The following SLC8A1 variants were observed in gnomAD, a reference collection of about 807,000 sequenced individuals.
SLC8A1 encodes sodium/calcium exchanger 1.
A neutral mutation model predicts 68.3 loss-of-function variants in SLC8A1; 18 were observed. That is an observed-to-expected ratio of 0.26 (90% CI 0.18 to 0.39). The LOEUF (loss-of-function observed/expected upper bound fraction) is 0.39. Among genes scored for constraint, SLC8A1 ranks in the 10% least tolerant of loss-of-function variants. SLC8A1 has a pLI of 1.00. For synonymous variants in SLC8A1, 475 were observed against 415.5 expected (o/e 1.14, Z -1.74); for missense variants, 985 against 1,156.7 (o/e 0.85, Z 2.15).
At chr2:40,342,816 A>G (rs1043002347) in intron 2 of SLC8A1, among the ~76,000 whole-genome samples, 1 of 152,210 alleles carries the variant, frequency 6.6e-6, no homozygotes, top group East Asian at 1.9e-4. Context: ...TACTAAACAG[A>G]TCACTCACTG....
intron 2 of SLC8A1, among the ~76,000 whole-genome samples, chr2:40,289,730 G>T (rs978153870): frequency 6.6e-6 from 1 of 151,828 alleles, no homozygotes; most frequent in Admixed American, 6.6e-5. Flanking sequence ...GCTTGGTGGT[G>T]CATGCCTGTA....
rs13394220 is a variant in SLC8A1, at chr2:40,353,575, C to T, written c.1808+74898G>A. ...AGTGGAAAAAAAAAATGATCTGAGACTGTGAACTGTGAGAACTGTCGACTG... is the reference window on the plus strand; with the variant it reads ...AGTGGAAAAAAAAAATGATCTGAGATTGTGAACTGTGAGAACTGTCGACTG... On this transcript the variant is annotated intron_variant, in intron 2 of 7. Transcript: ENST00000406785. Among the ~76,000 whole-genome samples the T allele has an allele frequency of 4.8e-3, 733 of 152,230 alleles. 6 individuals carry two copies. The highest frequency in any genetic ancestry group is 0.017 in the African/African-American group (690 of 41,548).
intron 4 of SLC8A1, among the ~76,000 whole-genome samples, chr2:40,169,770 G>A (rs972578492): frequency 7.2e-5 from 11 of 152,002 alleles, no homozygotes; most frequent in African/African-American, 2.2e-4. Flanking sequence ...GTGAGACCCC[G>A]TCTCTACAAA....
intron 2 of SLC8A1, among the ~76,000 whole-genome samples, chr2:40,279,358 C>T (rs1348142825): frequency 1.3e-5 from 2 of 152,062 alleles, no homozygotes; most frequent in African/African-American, 4.8e-5. Context: ...TTGAAAGAAG[C>T]GATTTGTTCA....
At chr2:40,408,331 T>C (rs1691029370) in intron 2 of SLC8A1, among the ~76,000 whole-genome samples, 1 of 152,212 alleles carries the variant, frequency 6.6e-6, no homozygotes, top group African/African-American at 2.4e-5. Context: ...GCTTAACTTA[T>C]CAACAGTTTG....
At chr2:40,172,433 T>A (rs1353337342) in intron 4 of SLC8A1, among the ~76,000 whole-genome samples, 1 of 152,086 alleles carries the variant, frequency 6.6e-6, no homozygotes, top group African/African-American at 2.4e-5. Flanking sequence ...TAGGAAGAAC[T>A]TAATGAACTA....
At chr2:40,201,451 G>T (rs2054346523) in intron 2 of SLC8A1, among the ~76,000 whole-genome samples, 1 of 151,912 alleles carries the variant, frequency 6.6e-6, no homozygotes, top group Non-Finnish European at 1.5e-5. Flanking sequence ...GTTTTGAGGA[G>T]AAATGAGAAT....
intron 2 of SLC8A1, chr2:40,210,077 A>C (rs1172910724): frequency 1.3e-5 from 2 of 152,156 alleles, no homozygotes; most frequent in Non-Finnish European, 1.5e-5. Flanking sequence ...TGCTTTAGTA[A>C]ACTGAGGCCT....
At chr2:40,115,200 AT>A in exon 8 of SLC8A1, 11 of 1,216,526 alleles carry the variant, frequency 9.0e-6, no homozygotes, top group Non-Finnish European at 1.2e-5. Context: ...ATTATACATA[AT>A]TTTTATGTAT....
intron 6 of SLC8A1, among the ~76,000 whole-genome samples, chr2:40,146,343 TG>T (rs1186470469): frequency 6.6e-6 from 1 of 152,160 alleles, no homozygotes; most frequent in Non-Finnish European, 1.5e-5. Context: ...TTTCAGCTAT[TG>T]GGGAACTCAT....
chr2:40,457,459 T>TGGCACTGGGCTTACCACTGG (rs1703088891), intron 1 of SLC8A1, among the ~76,000 whole-genome samples: 1 of 152,240 alleles, frequency 6.6e-6, no homozygotes, highest in Non-Finnish European at 1.5e-5. Flanking sequence ...ACTGTTTTAG[T>TGGCACTGGGCTTACCACTGG]GCTTACCACA....
intron 2 of SLC8A1, among the ~76,000 whole-genome samples, chr2:40,197,531 AC>A (rs1197357986): frequency 6.6e-6 from 1 of 152,054 alleles, no homozygotes; most frequent in African/African-American, 2.4e-5. Context: ...GCAGACAGTT[AC>A]GATAAAATTA....
At chr2:40,100,837 A>C (rs2033850906) in exon 8 of SLC8A1, 1 of 152,124 alleles carries the variant, frequency 6.6e-6, no homozygotes, top group Non-Finnish European at 1.5e-5. Flanking sequence ...AGTTATTCTA[A>C]TTCCTGAAAA....
chr2:40,253,623 C>T (rs988213442), intron 2 of SLC8A1, among the ~76,000 whole-genome samples: 5 of 151,792 alleles, frequency 3.3e-5, no homozygotes, highest in South Asian at 2.1e-4. Context: ...GTCAGGAGTT[C>T]GAGGCCAGCC....
intron 2 of SLC8A1, among the ~76,000 whole-genome samples, chr2:40,266,232 A>G (rs2065338796): frequency 6.6e-6 from 1 of 152,198 alleles, no homozygotes. Context: ...TTAAAACTAC[A>G]GAAGTACCAT....
At chr2:40,395,571 C>T (rs148576053) in intron 2 of SLC8A1, among the ~76,000 whole-genome samples, 2,384 of 152,156 alleles carry the variant, frequency 0.016, 36 homozygotes, top group Middle Eastern at 0.027. Flanking sequence ...GCATTTAAGT[C>T]AGAGCAAGAC....
intron 2 of SLC8A1, among the ~76,000 whole-genome samples, chr2:40,203,461 T>C (rs1287000621): frequency 1.3e-5 from 2 of 152,126 alleles, no homozygotes; most frequent in East Asian, 3.9e-4. Context: ...CAGAAATGTT[T>C]TACATCCATA....
intron 1 of SLC8A1, among the ~76,000 whole-genome samples, chr2:40,437,650 C>T (rs1428162211): frequency 6.6e-6 from 1 of 151,928 alleles, no homozygotes; most frequent in Non-Finnish European, 1.5e-5. Context: ...ACACTTTGCT[C>T]TAATAACAAT....
At chr2:40,102,536 T>G (rs2033957416) in exon 8 of SLC8A1, 1 of 152,152 alleles carries the variant, frequency 6.6e-6, no homozygotes, top group South Asian at 2.1e-4. Flanking sequence ...TTTGTTCAAC[T>G]GCTAGGTGGA....
Sources: allele counts gnomAD v4.1 joint callset (sites outside exome capture counted in the v4.1 genomes callset), GRCh38; gene constraint gnomAD v4.1.1; transcripts MANE v1.5; gene names NCBI Gene and HGNC (gene_info 2026-07-23, HGNC 2026-07-21).